Variants in SMOC2 observed in about 807,000 individuals in gnomAD.
SMOC2 encodes the protein SPARC related modular calcium binding 2, also known as SPARC-related modular calcium-binding protein 2.
In SMOC2, 39 loss-of-function variants were observed where a neutral mutation model predicts 61.4. The observed-to-expected ratio is 0.64, with a 90% CI of 0.49 to 0.83. SMOC2 has a LOEUF of 0.83. SMOC2 is among the 40% of genes least tolerant of loss of function. SMOC2 has a pLI of 0.00. For synonymous variants in SMOC2, 247 were observed against 239.9 expected, an observed-to-expected ratio of 1.03 and a Z score of -0.27; for missense variants, 556 against 592.9, an observed-to-expected ratio of 0.94 and a Z score of 0.65.
chr6:168,474,346 CA>C (rs1225247750), intron 1 of SMOC2, among the ~76,000 whole-genome samples: 3 of 152,116 alleles, frequency 2.0e-5, no homozygotes, highest in African/African-American at 7.2e-5. Context: ...GCACCTTTCA[CA>C]GTGCCCCGCT....
intron 7 of SMOC2, among the ~76,000 whole-genome samples, chr6:168,558,798 T>C (rs1170537414): frequency 7.5e-6 from 1 of 133,336 alleles, no homozygotes; most frequent in Non-Finnish European, 1.7e-5. Flanking sequence ...TGGGTGTGCG[T>C]GTGCGCATGT....
intron 6 of SMOC2, among the ~76,000 whole-genome samples, chr6:168,547,584 T>C (rs1408961923): frequency 6.6e-6 from 1 of 152,054 alleles, no homozygotes; most frequent in African/African-American, 2.4e-5. Flanking sequence ...ATATACTTAA[T>C]GATGAAACGG....
chr6:168,579,832 A>G (rs1035068400), intron 7 of SMOC2, among the ~76,000 whole-genome samples: 1 of 152,188 alleles, frequency 6.6e-6, no homozygotes, highest in Non-Finnish European at 1.5e-5. Context: ...CTTAGGCTAA[A>G]TGAGTCTAAG....
intron 4 of SMOC2, among the ~76,000 whole-genome samples, chr6:168,543,225 G>T (rs757948165): frequency 8.6e-5 from 13 of 152,032 alleles, no homozygotes; most frequent in Non-Finnish European, 1.6e-4. Context: ...CTGAAATCAG[G>T]GTTTTTAGTT....
At chr6:168,648,540 G>A (rs911159584) in intron 9 of SMOC2, among the ~76,000 whole-genome samples, 9 of 152,232 alleles carry the variant, frequency 5.9e-5, no homozygotes, top group Non-Finnish European at 8.8e-5. Context: ...TGGAAGCACC[G>A]CGGCCAGCAG....
At chr6:168,508,063 T>C (rs1193402472) in intron 1 of SMOC2, among the ~76,000 whole-genome samples, 1 of 152,126 alleles carries the variant, frequency 6.6e-6, no homozygotes, top group Non-Finnish European at 1.5e-5. Context: ...GGACCCCGCC[T>C]GGATTTCTGG....
At chr6:168,541,794 G>A (rs1270683672) in intron 4 of SMOC2, among the ~76,000 whole-genome samples, 3 of 152,136 alleles carry the variant, frequency 2.0e-5, no homozygotes, top group Non-Finnish European at 4.4e-5. Flanking sequence ...ACTTTGTGTG[G>A]ACTTATTTAA....
chr6:168,567,305 T>C (rs1323820885), intron 7 of SMOC2, among the ~76,000 whole-genome samples: 1 of 152,222 alleles, frequency 6.6e-6, no homozygotes, highest in Non-Finnish European at 1.5e-5. Context: ...TCATGAATGC[T>C]AAAATGCTTT....
chr6:168,627,904 A>T (rs1386550725), intron 9 of SMOC2, among the ~76,000 whole-genome samples: 1 of 152,206 alleles, frequency 6.6e-6, no homozygotes, highest in Non-Finnish European at 1.5e-5. Context: ...AGGGGCCCTC[A>T]CACACACCAG....
intron 7 of SMOC2, among the ~76,000 whole-genome samples, chr6:168,564,592 T>A (rs1421187144): frequency 6.6e-6 from 1 of 152,244 alleles, no homozygotes; most frequent in African/African-American, 2.4e-5. Context: ...TTATAAAATG[T>A]AGTGGATGGC....
chr6:168,550,663 C>T (rs761234130), intron 7 of SMOC2, among the ~76,000 whole-genome samples: 1 of 152,116 alleles, frequency 6.6e-6, no homozygotes, highest in East Asian at 1.9e-4. Flanking sequence ...CCCTTCTGGG[C>T]GGAGATGAGG....
At chr6:168,577,318 T>G (rs1784827885) in intron 7 of SMOC2, among the ~76,000 whole-genome samples, 1 of 152,216 alleles carries the variant, frequency 6.6e-6, no homozygotes, top group Non-Finnish European at 1.5e-5. Context: ...GTCTCATCTC[T>G]GTAAGACTTT....
At chr6:168,451,481 C>T in intron 1 of SMOC2, among the ~76,000 whole-genome samples, 1 of 152,162 alleles carries the variant, frequency 6.6e-6, no homozygotes, top group Middle Eastern at 3.4e-3. Flanking sequence ...CACTCTGTAC[C>T]CTTCTCTCCT....
At chr6:168,447,635 T>G (rs1232085866) in intron 1 of SMOC2, among the ~76,000 whole-genome samples, 7 of 152,130 alleles carry the variant, frequency 4.6e-5, no homozygotes, top group Non-Finnish European at 1.0e-4. Flanking sequence ...TTTGAGGTTC[T>G]TAGAAAAGAG....
At chr6:168,554,574 G>C (rs1482413768) in intron 7 of SMOC2, among the ~76,000 whole-genome samples, 1 of 152,230 alleles carries the variant, frequency 6.6e-6, no homozygotes, top group South Asian at 2.1e-4. Context: ...TGCACAGGCC[G>C]TTCTGGGACT....
chr6:168,476,251 A>G (rs77221562), intron 1 of SMOC2, among the ~76,000 whole-genome samples: 5,534 of 152,154 alleles, frequency 0.036, 181 homozygotes, highest in South Asian at 0.13. Flanking sequence ...TTGACCCACA[A>G]TTTTCGTGAT....
intron 5 of SMOC2, among the ~76,000 whole-genome samples, chr6:168,546,889 G>A (rs1457277873): frequency 6.6e-6 from 1 of 152,188 alleles, no homozygotes; most frequent in Non-Finnish European, 1.5e-5. Context: ...TCCACGTGAA[G>A]TTAGGTCAGT....
intron 1 of SMOC2, among the ~76,000 whole-genome samples, chr6:168,487,564 G>A (rs1248241317): frequency 6.6e-6 from 1 of 152,092 alleles, no homozygotes; most frequent in Admixed American, 6.6e-5. Flanking sequence ...GGAGTGCAGT[G>A]TGCGATCTTG....
At chr6:168,550,387 A>AAT (rs1022718968) in intron 7 of SMOC2, among the ~76,000 whole-genome samples, 5 of 152,210 alleles carry the variant, frequency 3.3e-5, no homozygotes, top group African/African-American at 7.2e-5. Context: ...GAGTGGTTCG[A>AAT]TTCCCCCTTC....
Sources: allele counts gnomAD v4.1 joint callset (sites outside exome capture counted in the v4.1 genomes callset), GRCh38; gene constraint gnomAD v4.1.1; transcripts MANE v1.5; gene names NCBI Gene and HGNC (gene_info 2026-07-23, HGNC 2026-07-21).